Variants in AZI2 observed in about 807,000 individuals in gnomAD.
AZI2 encodes 5-azacytidine induced 2.
Under a neutral mutation model 45.8 loss-of-function variants are expected in AZI2, and 22 were observed. The observed-to-expected ratio is 0.48, with a 90% CI of 0.34 to 0.69. The LOEUF (loss-of-function observed/expected upper bound fraction) is 0.69. AZI2 is among the 30% of genes least tolerant of loss of function. The pLI is 0.01. For synonymous variants in AZI2, 137 were observed against 156.7 expected (o/e 0.87, Z 0.94); for missense variants, 417 against 441.5 (o/e 0.94, Z 0.50).
chr3:28,325,575 C>CT (rs1238099344), intron 7 of AZI2, among the ~76,000 whole-genome samples: 2 of 150,988 alleles, frequency 1.3e-5, no homozygotes, highest in Non-Finnish European at 3.0e-5. Context: ...TGCTAGAAAA[C>CT]TTATGTTCCA....
At chr3:28,331,771 A>G in intron 6 of AZI2, 1 of 1,486,030 alleles carries the variant, frequency 6.7e-7, no homozygotes, top group Non-Finnish European at 9.0e-7. Context: ...ATTATTAGAT[A>G]GCTTAAAACA....
intron 6 of AZI2, among the ~76,000 whole-genome samples, chr3:28,329,986 G>A (rs1229038865): frequency 2.0e-5 from 3 of 151,244 alleles, no homozygotes; most frequent in Non-Finnish European, 4.4e-5. Context: ...ACACAGAAGA[G>A]CCTGATAAAC....
rs1353960928 is a variant in AZI2 at position 28,332,406 on chromosome 3, G to A, written c.610C>T (p.Leu204=). 3.7e-6 allele frequency: 6 copies of A among 1,608,590 alleles called. No individual in the cohort carries two copies. In the East Asian group the frequency reaches 1.3e-4, roughly 36 times the overall value. The change falls in exon 6 of 8, where the codon CTG becomes TTG. Residue 204 remains leucine, a synonymous_variant. Transcript: ENST00000479665. ...AGTTTTTGGAGATCTCTGCTCTTCA[G>A]ATTGTCTTCCTGATATGGATCCTGT... ...KQTDPYQEDN[L]KSRDLQKLSI...
At chr3:28,338,222 TA>T (rs547484899) in intron 3 of AZI2, among the ~76,000 whole-genome samples, 186 bp from the exon 4 acceptor site, 5,370 of 140,934 alleles carry the variant, frequency 0.038, 239 homozygotes, top group African/African-American at 0.11. Flanking sequence ...TTCACTGGCT[TA>T]AAAAAAAAAA....
intron 5 of AZI2, among the ~76,000 whole-genome samples, chr3:28,335,986 A>AT (rs2125653064): frequency 1.3e-5 from 2 of 152,176 alleles, no homozygotes; most frequent in South Asian, 4.2e-4. Context: ...TAAAATCTGC[A>AT]TTTGGTGCAT....
intron 1 of AZI2, among the ~76,000 whole-genome samples, chr3:28,343,915 T>C (rs979479773): frequency 2.6e-5 from 4 of 152,080 alleles, no homozygotes; most frequent in African/African-American, 7.2e-5. Flanking sequence ...TTTAAGACAA[T>C]ATGAGTAGTC....
chr3:28,338,721 A>G, intron 2 of AZI2, 106 bp from the exon 3 acceptor site: 1 of 1,033,574 alleles, frequency 9.7e-7, no homozygotes, highest in South Asian at 2.3e-5. Context: ...TAATAAGGGG[A>G]TAAAGCCTGG....
At position 28,322,192 on chromosome 3, in the gene AZI2, A is replaced by G. The variant is rs1334272675; in HGVS notation, c.*1850T>C. On this transcript the variant is annotated 3_prime_UTR_variant, in exon 8 of 8. Coordinates refer to ENST00000479665, the MANE Select transcript of AZI2 (RefSeq NM_022461.5). ...CTGTCACAGTCACTGACTTTTTAGT[A>G]TACCTGTTTGATAGCTATCATCACT... The G allele has an allele frequency of 6.6e-6, 1 of 151,256 alleles. No homozygotes were observed. Among genetic ancestry groups the G allele is most frequent in the African/African-American group, 2.4e-5 (1 of 41,338 alleles). 9.4% of individuals were successfully genotyped at this position (151,256 alleles called of 1,614,324 possible). A position where few individuals can be genotyped will look rare whatever the true frequency, so the allele number is the denominator to read the frequency against.
chr3:28,338,441 G>T, intron 3 of AZI2, 52 bp downstream of exon 3: 1 of 1,487,214 alleles, frequency 6.7e-7, no homozygotes, highest in Non-Finnish European at 9.1e-7. Context: ...ACCTCTTGAA[G>T]GAGAAAATTC....
chr3:28,336,590 G>T, intron 5 of AZI2, 147 bp downstream of exon 5: 1 of 846,294 alleles, frequency 1.2e-6, no homozygotes, highest in Non-Finnish European at 1.7e-6. Flanking sequence ...TAAAGAGGTA[G>T]ATAAACAAGA....
chr3:28,337,329 TA>T (rs1703831146), intron 4 of AZI2, among the ~76,000 whole-genome samples: 1 of 151,652 alleles, frequency 6.6e-6, no homozygotes, highest in Admixed American at 6.6e-5. Flanking sequence ...GATACTGCTT[TA>T]TTCTTTAATT....
chr3:28,346,736 G>A (rs906713056), intron 1 of AZI2, among the ~76,000 whole-genome samples: 7 of 152,126 alleles, frequency 4.6e-5, no homozygotes, highest in Admixed American at 2.6e-4. Context: ...TTACGAAGAC[G>A]AACAGACCAA....
At chr3:28,330,219 G>C (rs1313570382) in intron 6 of AZI2, among the ~76,000 whole-genome samples, 1 of 151,126 alleles carries the variant, frequency 6.6e-6, no homozygotes, top group African/African-American at 2.4e-5. Flanking sequence ...ATTGTTAAAT[G>C]ATGTTTTATA....
intron 6 of AZI2, among the ~76,000 whole-genome samples, chr3:28,329,087 G>T (rs1435011190): frequency 6.6e-6 from 1 of 151,194 alleles, no homozygotes; most frequent in Admixed American, 6.6e-5. Flanking sequence ...TGTCTATAAA[G>T]AACTTATACA....
chr3:28,344,867 A>C (rs1211326867), intron 1 of AZI2, among the ~76,000 whole-genome samples: 3 of 152,188 alleles, frequency 2.0e-5, no homozygotes, highest in African/African-American at 7.2e-5. Flanking sequence ...TATTTTAAAT[A>C]GTCTAGCAGA....
intron 6 of AZI2, chr3:28,331,792 G>A (rs995197910): frequency 1.8e-5 from 28 of 1,523,974 alleles, no homozygotes; most frequent in Non-Finnish European, 2.3e-5. Context: ...CAGAATTGAA[G>A]TTACTTAAGT....
chr3:28,330,605 A>T (rs903475648), intron 6 of AZI2, among the ~76,000 whole-genome samples: 1 of 151,306 alleles, frequency 6.6e-6, no homozygotes, highest in Non-Finnish European at 1.5e-5. Context: ...GTGGAGAATG[A>T]GGTTAACATA....
In AZI2 at chr3:28,324,128, T is replaced by G; in HGVS notation, c.1093A>C (p.Thr365Pro). The change falls in exon 8 of 8, where the codon ACT becomes CCT. Residue 365 changes from threonine to proline, a missense_variant. Transcript: ENST00000479665. Reference sequence around the variant, plus strand: ...GGTAAAGGCAAAGTTTTAGTTTTAGTTTCCCCAAATGCTGTCTCACTTGAT... The same window carrying G: ...GGTAAAGGCAAAGTTTTAGTTTTAGGTTCCCCAAATGCTGTCTCACTTGAT... ...PKSSETAFGE[T>P]KTKTLPLPNL... The G allele has an allele frequency of 6.2e-7, 1 of 1,610,502 alleles. No homozygotes were observed. Among genetic ancestry groups the G allele is most frequent in the Non-Finnish European group, 8.5e-7 (1 of 1,177,534 alleles).
chr3:28,338,219 G>T (rs369472943), intron 3 of AZI2, among the ~76,000 whole-genome samples, 183 bp from the exon 4 acceptor site: 3 of 147,022 alleles, frequency 2.0e-5, no homozygotes, highest in East Asian at 2.0e-4. Flanking sequence ...TTATTCACTG[G>T]CTTAAAAAAA....
Sources: gnomAD v4.1 joint callset for allele counts (sites outside exome capture counted in the v4.1 genomes callset) on GRCh38, gnomAD v4.1.1 for gene constraint, MANE v1.5 for transcripts, NCBI Gene and HGNC (gene_info 2026-07-23, HGNC 2026-07-21) for gene names.